The following PHIP variants were observed in gnomAD, a reference collection of about 807,000 sequenced individuals.
The protein encoded by PHIP is PH-interacting protein.
In PHIP, 54 loss-of-function variants were observed where a neutral mutation model predicts 236.8. The observed-to-expected ratio is 0.23, with a 90% CI of 0.18 to 0.29. The LOEUF (loss-of-function observed/expected upper bound fraction) is 0.29, where lower values mean the gene tolerates loss of function less well. PHIP is among the 10% of genes least tolerant of loss of function. The probability of loss-of-function intolerance (pLI) is 1.00; values close to 1 mark genes in which losing one functional copy is unlikely to be tolerated. For missense variants in PHIP, 1,370 were observed against 2,190.8 expected (o/e 0.63, Z 7.48); for synonymous variants, 756 against 718.9 (o/e 1.05, Z -0.83).
Position 78,939,267 on chromosome 6 carries a change from T to C in PHIP, c.*1426A>G, listed in dbSNP as rs1008869547. 13 of 151,744 alleles carry C rather than the reference T, an allele frequency of 8.6e-5. No individual in the cohort carries two copies. Among genetic ancestry groups the C allele is most frequent in the African/African-American group, 2.9e-4 (12 of 41,404 alleles). The allele number at this position is 151,744 out of a possible 1,614,324, so 9.4% of individuals were successfully genotyped here. On this transcript the variant is annotated 3_prime_UTR_variant, in exon 40 of 40. Transcript: ENST00000275034. The stretch of plus-strand genomic sequence containing the variant: ...TTTACAATAGACAACTTAATTTTAC[T>C]AATGATGCAAAAAATAATAGAATAC...
chr6:78,997,407 C>T lies in PHIP; in HGVS notation c.2201+7G>A, dbSNP rs1407886271. The T allele has an allele frequency of 1.2e-6, 2 of 1,613,032 alleles. No individual in the cohort carries two copies. The highest frequency in any genetic ancestry group is 1.7e-5 in the Admixed American group (1 of 59,942). Reference sequence around the variant, plus strand: ...TATGGTACATAAAAATTCACAACTTCCCTTACCTGGCTACACCAGCTGATA... The same window carrying T: ...TATGGTACATAAAAATTCACAACTTTCCTTACCTGGCTACACCAGCTGATA... On this transcript the variant is annotated splice_region_variant and intron_variant, in intron 19 of 39. Coordinates refer to ENST00000275034, the MANE Select transcript of PHIP (RefSeq NM_017934.7).
At chr6:78,953,612 A>G (rs1241518249) in intron 35 of PHIP, among the ~76,000 whole-genome samples, 1 of 152,252 alleles carries the variant, frequency 6.6e-6, no homozygotes, top group African/African-American at 2.4e-5. Flanking sequence ...CGCTGGAATT[A>G]AAGATTTCTC....
intron 20 of PHIP, among the ~76,000 whole-genome samples, chr6:78,990,409 A>G (rs1452226390): frequency 6.6e-6 from 1 of 152,218 alleles, no homozygotes; most frequent in Non-Finnish European, 1.5e-5. Context: ...CCAATAAGTC[A>G]AAACTATTAG....
At chr6:78,999,048 C>T (rs572901525) in intron 17 of PHIP, among the ~76,000 whole-genome samples, 2 of 150,628 alleles carry the variant, frequency 1.3e-5, no homozygotes, top group Admixed American at 6.6e-5. Flanking sequence ...GAAGTCCTCT[C>T]GGACAAGGTA....
At position 78,939,208 on chromosome 6, in the gene PHIP, T is replaced by C. The variant is rs1020994333; in HGVS notation, c.*1485A>G. On this transcript the variant is annotated 3_prime_UTR_variant, in exon 40 of 40. Transcript: ENST00000275034. ...CTTTCCTTTTCCATAGCAGTACATATAGCAATACATTCTCCTAAGTCATAT... is the reference window on the plus strand; with the variant it reads ...CTTTCCTTTTCCATAGCAGTACATACAGCAATACATTCTCCTAAGTCATAT... 1.3e-5 allele frequency: 2 copies of C among 151,784 alleles called. No individual in the cohort carries two copies. Among genetic ancestry groups the C allele is most frequent in the African/African-American group, 4.8e-5 (2 of 41,420 alleles). The allele number at this position is 151,784 out of a possible 1,614,324, so 9.4% of individuals were successfully genotyped here.
At chr6:79,031,841 G>A (rs1582254699) in intron 7 of PHIP, among the ~76,000 whole-genome samples, 1 of 151,890 alleles carries the variant, frequency 6.6e-6, no homozygotes, top group South Asian at 2.1e-4. Context: ...ATTTTTTTCT[G>A]TATATCCAAA....
Position 78,970,066 on chromosome 6 carries a change from G to T in PHIP, c.3105C>A (p.Gly1035=). ...FLDPDTGKLT[G]GSFTMKYHDM... is the part of the protein sequence containing the mutation. ...GTCCTTACTTCATGGTAAATGATCC[G>T]CCAGTCAGTTTACCAGTATCAGGAT... Residue 1035 remains glycine, a synonymous_variant, in exon 26 of 40, where the codon GGC becomes GGA. Transcript: ENST00000275034. 2 of 1,613,390 alleles carry T rather than the reference G, an allele frequency of 1.2e-6. No individual in the cohort carries two copies. The highest frequency in any genetic ancestry group is 1.7e-6 in the Non-Finnish European group (2 of 1,179,614).
At chr6:78,985,472 A>C in intron 21 of PHIP, 44 bp from the exon 22 acceptor site, 1 of 925,544 alleles carries the variant, frequency 1.1e-6, no homozygotes, top group Non-Finnish European at 1.8e-6. Context: ...ATTTTATAAA[A>C]TAACATTTTA....
At chr6:78,966,081 A>G (rs762733787) in intron 27 of PHIP, 25 bp from the exon 28 acceptor site, 1 of 1,383,030 alleles carries the variant, frequency 7.2e-7, no homozygotes, top group South Asian at 1.2e-5. Flanking sequence ...AAACTAACTC[A>G]TCATTCTGAA....
Position 78,947,681 on chromosome 6 carries a change from T to C in PHIP, c.4148A>G (p.Lys1383Arg). Residue 1383 changes from lysine (K) to arginine (R), a missense_variant, in exon 36 of 40, where the codon AAA (lysine) becomes AGA (arginine). Lys to Arg is a conservative substitution (Grantham distance 26, BLOSUM62 2). Coordinates refer to ENST00000275034, the MANE Select transcript of PHIP (RefSeq NM_017934.7). ...ATTACTGAAAATAAGTCTGACATCTTTACATAACTCCATTGGTGACTCATA... is the reference window on the plus strand; with the variant it reads ...ATTACTGAAAATAAGTCTGACATCTCTACATAACTCCATTGGTGACTCATA... ...GNYESPMELC[K>R]DVRLIFSNSK... 3 of 1,538,810 alleles carry C rather than the reference T, an allele frequency of 1.9e-6. No individual in the cohort carries two copies. The highest frequency in any genetic ancestry group is 2.7e-6 in the Non-Finnish European group (3 of 1,111,858).
chr6:78,992,265 A>G (rs1428290166), intron 19 of PHIP, among the ~76,000 whole-genome samples: 1 of 151,854 alleles, frequency 6.6e-6, no homozygotes, highest in African/African-American at 2.4e-5. Flanking sequence ...GCCGGCCCAA[A>G]ATGGTAACAT....
chr6:78,975,668 C>T (rs1201668151), intron 24 of PHIP, among the ~76,000 whole-genome samples: 1 of 152,196 alleles, frequency 6.6e-6, no homozygotes, highest in Non-Finnish European at 1.5e-5. Flanking sequence ...TAAGCAACTT[C>T]AGCAAAGTCT....
intron 15 of PHIP, among the ~76,000 whole-genome samples, chr6:79,008,011 G>A (rs1018420005): frequency 1.3e-5 from 2 of 152,134 alleles, no homozygotes; most frequent in Admixed American, 1.3e-4. Context: ...AAATTAGCTG[G>A]GTGTGGTGGC....
Position 78,967,919 on chromosome 6 carries a change from G to A in PHIP, c.3206-1863C>T, listed in dbSNP as rs934208842. ...GGAGGCTGAGGCGGGCGGATCACAAGGTCAGGAGATCAAGACCATCCTGGC... is the reference window on the plus strand; with the variant it reads ...GGAGGCTGAGGCGGGCGGATCACAAAGTCAGGAGATCAAGACCATCCTGGC... On this transcript the variant is annotated intron_variant, in intron 27 of 39. Coordinates refer to ENST00000275034, the MANE Select transcript of PHIP (RefSeq NM_017934.7). Among the ~76,000 whole-genome samples the A allele has an allele frequency of 1.8e-4, 28 of 152,078 alleles. 1 individual carries two copies. In the East Asian group the frequency reaches 5.4e-3, roughly 29 times the overall value.
intron 6 of PHIP, among the ~76,000 whole-genome samples, chr6:79,054,053 AAAAT>A (rs1349464995): frequency 2.0e-5 from 3 of 152,114 alleles, no homozygotes; most frequent in Admixed American, 6.5e-5. Context: ...AGCAGAGGAA[AAAAT>A]AAATAAATAT....
At chr6:78,967,268 T>C (rs1767202957) in intron 27 of PHIP, among the ~76,000 whole-genome samples, 1 of 152,216 alleles carries the variant, frequency 6.6e-6, no homozygotes, top group Admixed American at 6.5e-5. Flanking sequence ...GTTCCTCAGA[T>C]GCATACTAGT....
intron 7 of PHIP, among the ~76,000 whole-genome samples, chr6:79,039,714 T>C (rs2127758208): frequency 1.3e-5 from 2 of 152,288 alleles, no homozygotes; most frequent in Middle Eastern, 6.8e-3. Context: ...AAAACTCTGC[T>C]TTTTATATGG....
At position 79,000,396 on chromosome 6, in the gene PHIP, T is replaced by C. The variant is rs150681711; in HGVS notation, c.1879+1503A>G. ...GAATCAGAGCTGAGGTTAGAGTCCC[T>C]GTGATTCTATGACACATTACCATTA... On this transcript the variant is annotated intron_variant, in intron 17 of 39. Transcript: ENST00000275034. 9.1e-3 allele frequency among the ~76,000 whole-genome samples: 1,389 copies of C among 152,226 alleles called. 27 individuals are homozygous for C. Among genetic ancestry groups the C allele is most frequent in the African/African-American group, 0.032 (1,330 of 41,560 alleles).
chr6:78,987,586 T>C (rs758800763), intron 21 of PHIP, among the ~76,000 whole-genome samples: 1 of 152,052 alleles, frequency 6.6e-6, no homozygotes, highest in Non-Finnish European at 1.5e-5. Context: ...ATCTCTAACC[T>C]GTAAAGAAGG....
Sources: gnomAD v4.1 joint callset for allele counts (sites outside exome capture counted in the v4.1 genomes callset) on GRCh38, gnomAD v4.1.1 for gene constraint, MANE v1.5 for transcripts, NCBI Gene and HGNC (gene_info 2026-07-23, HGNC 2026-07-21) for gene names.